The following STX6 variants were observed in gnomAD, a reference collection of about 807,000 sequenced individuals.
STX6 encodes the protein syntaxin 6.
STX6 carries 23 observed loss-of-function variants against 38.0 expected under a neutral mutation model. That is an observed-to-expected ratio of 0.60 (90% CI 0.43 to 0.86). The LOEUF (loss-of-function observed/expected upper bound fraction) is 0.86, where lower values mean the gene tolerates loss of function less well. STX6 is among the 40% of genes least tolerant of loss of function. The probability of loss-of-function intolerance (pLI) is 0.00; values close to 1 mark genes in which losing one functional copy is unlikely to be tolerated. For missense variants in STX6, 274 were observed against 312.9 expected, an observed-to-expected ratio of 0.88 and a Z score of 0.94; for synonymous variants, 123 against 107.5, an observed-to-expected ratio of 1.14 and a Z score of -0.89.
intron 1 of STX6, among the ~76,000 whole-genome samples, chr1:181,015,055 C>G (rs1439735766): frequency 6.6e-6 from 1 of 152,194 alleles, no homozygotes; most frequent in Non-Finnish European, 1.5e-5. Flanking sequence ...CTTTCTCTGT[C>G]TCTGTGACAT....
intron 3 of STX6, among the ~76,000 whole-genome samples, chr1:180,994,546 C>T (rs964751205): frequency 2.0e-5 from 3 of 152,208 alleles, no homozygotes; most frequent in Non-Finnish European, 4.4e-5. Flanking sequence ...TGTCACTATG[C>T]TCAGTGAAAT....
chr1:180,979,027 G>C (rs1212221032), intron 7 of STX6, among the ~76,000 whole-genome samples: 1 of 152,184 alleles, frequency 6.6e-6, no homozygotes, highest in Admixed American at 6.5e-5. Context: ...TTAAAACTAT[G>C]ATTAATATGC....
chr1:180,981,788 C>G (rs550256357), intron 7 of STX6, among the ~76,000 whole-genome samples: 1 of 152,334 alleles, frequency 6.6e-6, no homozygotes, highest in South Asian at 2.1e-4. Context: ...CTTCTCAGCA[C>G]TTCCCGCAGA....
intron 1 of STX6, among the ~76,000 whole-genome samples, chr1:181,008,469 T>C (rs1292543023): frequency 2.6e-5 from 4 of 152,234 alleles, no homozygotes; most frequent in Non-Finnish European, 5.9e-5. Flanking sequence ...TAAAAAGTTT[T>C]GGATTTTGGA....
chr1:181,015,897 G>A (rs1036815703), intron 1 of STX6, among the ~76,000 whole-genome samples: 2 of 152,292 alleles, frequency 1.3e-5, no homozygotes, highest in South Asian at 4.1e-4. Flanking sequence ...CTGACCTCAT[G>A]ATTCGCCTGC....
At chr1:181,005,566 C>T in intron 1 of STX6, 103 bp from the exon 2 acceptor site, 1 of 1,089,016 alleles carries the variant, frequency 9.2e-7, no homozygotes, top group African/African-American at 1.6e-5. Context: ...CCATCCTCAG[C>T]AACCACCATT....
At position 181,003,134 on chromosome 1, in the gene STX6, G is replaced by A. The variant is rs75887780; in HGVS notation, c.206-434C>T. On this transcript the variant is annotated intron_variant, in intron 2 of 7. Coordinates refer to ENST00000258301, the MANE Select transcript of STX6 (RefSeq NM_005819.6). ...CCCTACTTCTTAATCTAGAGAGATC[G>A]GGCCTTCTTCAGAGAAGCTGCCCTC... Among the ~76,000 whole-genome samples, 617 of 152,232 alleles carry A rather than the reference G, an allele frequency of 4.1e-3. 6 individuals are homozygous for A. Among genetic ancestry groups the A allele is most frequent in the African/African-American group, 0.014 (561 of 41,538 alleles).
intron 1 of STX6, among the ~76,000 whole-genome samples, chr1:181,014,007 A>C (rs920041690): frequency 2.6e-5 from 4 of 152,250 alleles, no homozygotes; most frequent in Non-Finnish European, 5.9e-5. Flanking sequence ...CTTCTGCTTC[A>C]ATCTGCTAGT....
Position 180,996,843 on chromosome 1 carries a change from G to C in STX6, c.301-3418C>G, listed in dbSNP as rs1655930654. On this transcript the variant is annotated intron_variant, in intron 3 of 7. Transcript: ENST00000258301. Reference sequence around the variant, plus strand: ...CTGCTTTGGCCTCCCAAAGTCCTAGGATTACAGGCATGAGCCATCATGACT... The same window carrying C: ...CTGCTTTGGCCTCCCAAAGTCCTAGCATTACAGGCATGAGCCATCATGACT... 2.6e-5 allele frequency among the ~76,000 whole-genome samples: 4 copies of C among 152,170 alleles called. No individual in the cohort carries two copies. The South Asian group carries it at 8.3e-4, about 32-fold the overall frequency.
chr1:180,980,174 T>C (rs1012549587), intron 7 of STX6, among the ~76,000 whole-genome samples: 3 of 131,236 alleles, frequency 2.3e-5, no homozygotes, highest in Admixed American at 9.4e-5. Flanking sequence ...ACCTCTGCAC[T>C]CTAGCATAGG....
At chr1:180,989,105 A>C (rs1655673972) in intron 5 of STX6, 2 of 152,266 alleles carry the variant, frequency 1.3e-5, no homozygotes, top group Non-Finnish European at 2.9e-5. Flanking sequence ...TTATTAATAC[A>C]GCTACATATC....
intron 3 of STX6, among the ~76,000 whole-genome samples, chr1:180,995,628 G>C (rs1303728004): frequency 6.6e-6 from 1 of 152,240 alleles, no homozygotes; most frequent in East Asian, 1.9e-4. Context: ...AGCCAAGGCA[G>C]TCGGAACGCT....
At chr1:181,010,697 G>A (rs1462484962) in intron 1 of STX6, among the ~76,000 whole-genome samples, 4 of 151,948 alleles carry the variant, frequency 2.6e-5, no homozygotes, top group African/African-American at 2.4e-5. Context: ...AGCATGGCAC[G>A]ACACCACTGC....
Position 181,022,796 on chromosome 1 carries a change from C to A in STX6, c.-123G>T. On this transcript the variant is annotated 5_prime_UTR_variant, in exon 1 of 8. Transcript: ENST00000258301. ...GCGCCTTAGTCTGGGTGAAGCCGAG[C>A]AGCGGGCACGCGCACAGGCCAGGTG... 5.1e-6 allele frequency: 5 copies of A among 973,504 alleles called. No individual in the cohort carries two copies. The highest frequency in any genetic ancestry group is 6.2e-6 in the Non-Finnish European group (4 of 645,684). 60.3% of individuals were successfully genotyped at this position (973,504 alleles called of 1,614,324 possible).
chr1:180,980,302 A>C (rs1655370251), intron 7 of STX6, among the ~76,000 whole-genome samples: 1 of 145,612 alleles, frequency 6.9e-6, no homozygotes. Context: ...AAATTAAAAC[A>C]AGAAACAATA....
chr1:181,016,452 A>G (rs769795278), intron 1 of STX6, among the ~76,000 whole-genome samples: 2 of 152,212 alleles, frequency 1.3e-5, no homozygotes, highest in Non-Finnish European at 2.9e-5. Flanking sequence ...GAGCTAAATA[A>G]TATTAAACAC....
chr1:180,990,492 C>T lies in STX6; in HGVS notation c.364-383G>A, dbSNP rs1307494188. On this transcript the variant is annotated intron_variant, in intron 4 of 7. Transcript: ENST00000258301. ...CCATAGGTTCCAGTCAACCTGATTC[C>T]GAAGATCTAGAGTACTTTTTTAAAA... is the stretch of plus-strand genomic sequence containing the variant. Among the ~76,000 whole-genome samples, 9 of 152,162 alleles carry T rather than the reference C, an allele frequency of 5.9e-5. No individual in the cohort carries two copies. The East Asian group carries it at 1.2e-3, about 20-fold the overall frequency.
intron 1 of STX6, among the ~76,000 whole-genome samples, chr1:181,008,198 T>C (rs1044618608): frequency 2.0e-5 from 3 of 152,240 alleles, no homozygotes; most frequent in African/African-American, 7.2e-5. Context: ...AATAATTTTC[T>C]TGTTTTTCTT....
chr1:181,018,735 T>A (rs1459306060), intron 1 of STX6, among the ~76,000 whole-genome samples: 1 of 152,190 alleles, frequency 6.6e-6, no homozygotes, highest in East Asian at 1.9e-4. Context: ...TTACAACAGC[T>A]TTCTAACTGG....
Sources: allele counts gnomAD v4.1 joint callset (sites outside exome capture counted in the v4.1 genomes callset), GRCh38; gene constraint gnomAD v4.1.1; transcripts MANE v1.5; gene names NCBI Gene and HGNC (gene_info 2026-07-23, HGNC 2026-07-21).